Variants in FAM120A observed in about 807,000 individuals in gnomAD.
FAM120A encodes the protein constitutive coactivator of PPAR-gamma-like protein 1.
In FAM120A, 15 loss-of-function variants were observed where a neutral mutation model predicts 109.7. The ratio of observed to expected loss-of-function variants is 0.14; its 90% confidence interval spans 0.09 to 0.21. The LOEUF (loss-of-function observed/expected upper bound fraction) is 0.21, where lower values mean the gene tolerates loss of function less well. Among genes scored for constraint, FAM120A ranks in the 10% least tolerant of loss-of-function variants. The pLI, the probability that FAM120A is intolerant of heterozygous loss-of-function variation, is 1.00. For synonymous variants in FAM120A, 493 were observed against 572.8 expected, an observed-to-expected ratio of 0.86 and a Z score of 1.99; for missense variants, 899 against 1,439.3, an observed-to-expected ratio of 0.62 and a Z score of 6.07.
intron 1 of FAM120A, among the ~76,000 whole-genome samples, chr9:93,463,519 C>CTTTTTTTTAATAA (rs1564307580): frequency 6.6e-6 from 1 of 152,134 alleles, no homozygotes; most frequent in Admixed American, 6.5e-5. Flanking sequence ...TTGGAGTTGA[C>CTTTTTTTTAATAA]TTTTTTTAAT....
chr9:93,517,955 T>C (rs1392953971), intron 7 of FAM120A, among the ~76,000 whole-genome samples: 1 of 152,202 alleles, frequency 6.6e-6, no homozygotes, highest in Non-Finnish European at 1.5e-5. Context: ...TTTGGAGCTC[T>C]GGGCATCTGA....
intron 1 of FAM120A, among the ~76,000 whole-genome samples, chr9:93,460,010 A>G (rs1857719560): frequency 1.3e-5 from 2 of 152,200 alleles, no homozygotes; most frequent in Admixed American, 1.3e-4. Flanking sequence ...AATTTTCTGA[A>G]TCAAAATACA....
intron 3 of FAM120A, among the ~76,000 whole-genome samples, chr9:93,496,662 A>T (rs1294013329): frequency 1.3e-5 from 2 of 151,980 alleles, no homozygotes; most frequent in Non-Finnish European, 2.9e-5. Context: ...CAGGATTCTT[A>T]TTTGGAGGTC....
chr9:93,537,434 T>TTAA (rs1301694092), intron 10 of FAM120A, among the ~76,000 whole-genome samples: 1 of 152,206 alleles, frequency 6.6e-6, no homozygotes, highest in Non-Finnish European at 1.5e-5. Flanking sequence ...TAACGTCATC[T>TTAA]TAATAAAATT....
intron 3 of FAM120A, among the ~76,000 whole-genome samples, chr9:93,479,635 G>A (rs1858710099): frequency 6.6e-6 from 1 of 152,088 alleles, no homozygotes; most frequent in Admixed American, 6.6e-5. Flanking sequence ...AAAATACCAT[G>A]GATAGGAAGT....
chr9:93,534,815 A>G lies in FAM120A; in HGVS notation c.1909+2486A>G, dbSNP rs149865731. ...GAAGGAGAAGCAGAGGCAGAAGTCC[A>G]TACTTTGGGGCCATCTTTGTTGGTG... is the stretch of plus-strand genomic sequence containing the variant. On this transcript the variant is annotated intron_variant, in intron 10 of 17. Coordinates refer to ENST00000277165, the MANE Select transcript of FAM120A (RefSeq NM_014612.5). Among the ~76,000 whole-genome samples, 364 of 151,998 alleles carry G rather than the reference A, an allele frequency of 2.4e-3. 1 individual carries two copies. Among genetic ancestry groups the G allele is most frequent in the African/African-American group, 8.2e-3 (337 of 41,288 alleles).
At chr9:93,548,337 C>T (rs1381318399) in intron 11 of FAM120A, among the ~76,000 whole-genome samples, 1 of 152,084 alleles carries the variant, frequency 6.6e-6, no homozygotes, top group Non-Finnish European at 1.5e-5. Context: ...GTCTTGATCT[C>T]CTGACCTCGT....
intron 3 of FAM120A, 65 bp downstream of exon 3, chr9:93,476,403 A>G (rs1318426429): frequency 2.4e-5 from 26 of 1,103,132 alleles, no homozygotes; most frequent in Non-Finnish European, 3.6e-5. Context: ...TATTACTTTA[A>G]TAACATGTTA....
intron 3 of FAM120A, among the ~76,000 whole-genome samples, chr9:93,480,070 A>G (rs912056544): frequency 3.3e-5 from 5 of 152,214 alleles, no homozygotes; most frequent in African/African-American, 1.2e-4. Flanking sequence ...AATGTTAGAC[A>G]TACTCAGAAC....
chr9:93,531,751 A>G (rs1861338650), intron 9 of FAM120A, among the ~76,000 whole-genome samples: 1 of 152,234 alleles, frequency 6.6e-6, no homozygotes, highest in Non-Finnish European at 1.5e-5. Flanking sequence ...TTTAGTTTGC[A>G]TGTAGGTAAT....
chr9:93,473,695 T>A (rs1384308302), intron 2 of FAM120A, among the ~76,000 whole-genome samples: 2 of 152,248 alleles, frequency 1.3e-5, no homozygotes, highest in Non-Finnish European at 2.9e-5. Flanking sequence ...TTTCACAACT[T>A]GTGTTTGTTT....
At chr9:93,502,477 A>G (rs1859844228) in intron 5 of FAM120A, among the ~76,000 whole-genome samples, 1 of 151,936 alleles carries the variant, frequency 6.6e-6, no homozygotes, top group Non-Finnish European at 1.5e-5. Context: ...CTTTCTTTGT[A>G]AGCCTGTAAA....
At chr9:93,525,962 C>CT (rs1017826824) in intron 7 of FAM120A, among the ~76,000 whole-genome samples, 14 of 152,178 alleles carry the variant, frequency 9.2e-5, no homozygotes, top group South Asian at 2.1e-4. Context: ...TTTTTTCCCC[C>CT]TTTTTTTAAA....
intron 5 of FAM120A, among the ~76,000 whole-genome samples, chr9:93,513,628 G>C (rs143930633): frequency 3.3e-5 from 5 of 152,310 alleles, no homozygotes; most frequent in African/African-American, 1.2e-4. Context: ...AGGATCGAAG[G>C]GCTATGGTGT....
At chr9:93,454,569 T>A (rs1184767847) in intron 1 of FAM120A, among the ~76,000 whole-genome samples, 2 of 152,094 alleles carry the variant, frequency 1.3e-5, no homozygotes, top group East Asian at 3.9e-4. Flanking sequence ...AAGAGGAGAG[T>A]CTGCCAGAGG....
chr9:93,463,110 C>T (rs1480343814), intron 1 of FAM120A, among the ~76,000 whole-genome samples: 1 of 152,186 alleles, frequency 6.6e-6, no homozygotes, highest in African/African-American at 2.4e-5. Flanking sequence ...CAAGAGGCCA[C>T]GCTGTTTTAC....
intron 1 of FAM120A, among the ~76,000 whole-genome samples, chr9:93,469,684 A>C (rs1486046726): frequency 6.6e-6 from 1 of 152,192 alleles, no homozygotes; most frequent in Non-Finnish European, 1.5e-5. Context: ...ATAAAACAGC[A>C]TTTCTTATTC....
Position 93,532,567 on chromosome 9 carries a change from A to G in FAM120A, c.1909+238A>G, listed in dbSNP as rs144298085. ...GATGTTTATTCAGTAAAATAATAAAACAGGTTTACACTTTAAAGTGAATGT... is the reference window on the plus strand; with the variant it reads ...GATGTTTATTCAGTAAAATAATAAAGCAGGTTTACACTTTAAAGTGAATGT... On this transcript the variant is annotated intron_variant, in intron 10 of 17. Transcript: ENST00000277165. The surrounding 1 kb of genome is among the most constrained non-coding windows in gnomAD (Gnocchi z 4.3). 5.9e-4 allele frequency: 302 copies of G among 510,072 alleles called. 2 individuals carry two copies. Among genetic ancestry groups the G allele is most frequent in the Non-Finnish European group, 9.2e-4 (260 of 282,532 alleles). The allele number at this position is 510,072 out of a possible 1,614,324, so 31.6% of individuals were successfully genotyped here. A position where few individuals can be genotyped will look rare whatever the true frequency, so the allele number is the denominator to read the frequency against.
Position 93,548,853 on chromosome 9 carries a change from G to A in FAM120A, c.2160-1724G>A, listed in dbSNP as rs146555075. 6.3e-3 allele frequency among the ~76,000 whole-genome samples: 952 copies of A among 152,152 alleles called. 9 individuals carry two copies. The highest frequency in any genetic ancestry group is 0.021 in the African/African-American group (892 of 41,504). On this transcript the variant is annotated intron_variant, in intron 11 of 17. Coordinates refer to ENST00000277165, the MANE Select transcript of FAM120A (RefSeq NM_014612.5). ...AGATCAGGAGTTTGAGACCAGCCTG[G>A]CCAACACAGTGAAACCCTGTCTCTA...
Sources: allele counts gnomAD v4.1 joint callset (sites outside exome capture counted in the v4.1 genomes callset), GRCh38; gene constraint gnomAD v4.1.1; non-coding constraint Gnocchi (gnomAD v3.1); transcripts MANE v1.5; gene names NCBI Gene and HGNC (gene_info 2026-07-23, HGNC 2026-07-21).